SCRG1: variants seen among roughly 807,000 people sequenced by gnomAD.
SCRG1 encodes scrapie-responsive protein 1.
A neutral mutation model predicts 7.7 loss-of-function variants in SCRG1; 3 were observed. That is an observed-to-expected ratio of 0.39 (90% CI 0.18 to 1.01). The LOEUF is 1.01. SCRG1 is among the 50% of genes least tolerant of loss of function. The probability of loss-of-function intolerance (pLI) is 0.36; values close to 1 mark genes in which losing one functional copy is unlikely to be tolerated. For missense variants in SCRG1, 110 were observed against 117.2 expected, an observed-to-expected ratio of 0.94 and a Z score of 0.28; for synonymous variants, 46 against 41.2, an observed-to-expected ratio of 1.12 and a Z score of -0.44.
the SCRG1 span, among the ~76,000 whole-genome samples, chr4:173,470,562 G>A: frequency 1.3e-5 from 2 of 152,188 alleles, no homozygotes; most frequent in African/African-American, 4.8e-5. Context: ...ATTTTTAAAT[G>A]TACTTCATAA....
chr4:173,395,523 G>A (rs1366580056), intron 1 of SCRG1, among the ~76,000 whole-genome samples: 2 of 152,152 alleles, frequency 1.3e-5, no homozygotes, highest in African/African-American at 4.8e-5. Context: ...ATGTGTCTCT[G>A]CCTTGTTGTT....
chr4:173,463,489 G>A, the SCRG1 span, among the ~76,000 whole-genome samples: 5 of 152,076 alleles, frequency 3.3e-5, no homozygotes, highest in African/African-American at 9.7e-5. Context: ...GGCCAGGCCG[G>A]TCTCGAACTC....
the SCRG1 span, among the ~76,000 whole-genome samples, chr4:173,457,484 C>A: frequency 6.6e-6 from 1 of 152,118 alleles, no homozygotes; most frequent in Non-Finnish European, 1.5e-5. Flanking sequence ...AATTGAGTAA[C>A]CATCTTTATC....
chr4:173,518,241 A>G, the SCRG1 span, among the ~76,000 whole-genome samples: 1 of 151,790 alleles, frequency 6.6e-6, no homozygotes, highest in Non-Finnish European at 1.5e-5. Context: ...GGTGCGGCAC[A>G]CCTTCCTCTG....
chr4:173,464,187 A>C, the SCRG1 span, among the ~76,000 whole-genome samples: 6 of 152,188 alleles, frequency 3.9e-5, no homozygotes, highest in Non-Finnish European at 7.3e-5. Flanking sequence ...TAAATAATGA[A>C]ATAAAAATCA....
the SCRG1 span, among the ~76,000 whole-genome samples, chr4:173,475,290 G>A: frequency 6.6e-6 from 1 of 152,212 alleles, no homozygotes; most frequent in Non-Finnish European, 1.5e-5. Context: ...TGTTGTGTGG[G>A]ATTGGGGAGA....
At chr4:173,397,494 C>T (rs1055405095) in intron 1 of SCRG1, among the ~76,000 whole-genome samples, 3 of 152,050 alleles carry the variant, frequency 2.0e-5, no homozygotes, top group Admixed American at 6.6e-5. Flanking sequence ...AACATTGTTC[C>T]AAATGTTGTA....
chr4:173,405,260 GGTTAAACTTGGGTTATGT>G (rs949470841), intron 1 of SCRG1, among the ~76,000 whole-genome samples: 2 of 152,208 alleles, frequency 1.3e-5, no homozygotes, highest in South Asian at 2.1e-4. Flanking sequence ...TTGGTCTTAT[GGTTAAACTTGGGTTATGT>G]GTTTGTAGAA....
At chr4:173,465,704 A>G in the SCRG1 span, among the ~76,000 whole-genome samples, 2 of 151,814 alleles carry the variant, frequency 1.3e-5, no homozygotes, top group Non-Finnish European at 2.9e-5. Context: ...GATAAAATTT[A>G]CCATCTTTAC....
chr4:173,492,490 T>A, the SCRG1 span, among the ~76,000 whole-genome samples: 1 of 152,090 alleles, frequency 6.6e-6, no homozygotes, highest in East Asian at 1.9e-4. Flanking sequence ...ACCTCAGGCA[T>A]GAGGCACCCA....
At chr4:173,484,643 TAA>T in the SCRG1 span, among the ~76,000 whole-genome samples, 5 of 95,968 alleles carry the variant, frequency 5.2e-5, no homozygotes, top group Non-Finnish European at 9.0e-5. Context: ...TATATGCATA[TAA>T]TATATATTAT....
chr4:173,485,554 T>C, the SCRG1 span, among the ~76,000 whole-genome samples: 1 of 152,040 alleles, frequency 6.6e-6, no homozygotes, highest in Non-Finnish European at 1.5e-5. Flanking sequence ...ATGGTAGTTG[T>C]TTTAAGCCAT....
the SCRG1 span, among the ~76,000 whole-genome samples, chr4:173,477,998 C>T: frequency 4.6e-5 from 7 of 152,136 alleles, no homozygotes; most frequent in East Asian, 3.9e-4. Flanking sequence ...TTGAACTCCT[C>T]GCCTCAAGCA....
chr4:173,388,423 T>C (rs1739313192), intron 2 of SCRG1, 28 bp from the exon 3 acceptor site: 1 of 1,539,344 alleles, frequency 6.5e-7, no homozygotes, highest in South Asian at 1.1e-5. Context: ...ATCAATTAAA[T>C]TCACCTTAAG....
the SCRG1 span, among the ~76,000 whole-genome samples, chr4:173,423,992 C>T: frequency 6.6e-6 from 1 of 152,164 alleles, no homozygotes; most frequent in Non-Finnish European, 1.5e-5. Flanking sequence ...TTATAACTAA[C>T]CCACTCCCCC....
At chr4:173,496,331 A>C in the SCRG1 span, among the ~76,000 whole-genome samples, 1 of 152,122 alleles carries the variant, frequency 6.6e-6, no homozygotes, top group Admixed American at 6.5e-5. Context: ...TTTGAAAAAA[A>C]AAAGAGAGGG....
chr4:173,458,663 A>T, the SCRG1 span, among the ~76,000 whole-genome samples: 1 of 152,364 alleles, frequency 6.6e-6, no homozygotes, highest in South Asian at 2.1e-4. Context: ...TCACATCACG[A>T]TGATAAATAG....
chr4:173,395,965 G>A (rs1578964137), intron 1 of SCRG1, among the ~76,000 whole-genome samples: 1 of 152,338 alleles, frequency 6.6e-6, no homozygotes, highest in African/African-American at 2.4e-5. Flanking sequence ...TGACAGAACA[G>A]TAGCATGATC....
chr4:173,451,928 T>A, the SCRG1 span, among the ~76,000 whole-genome samples: 32 of 152,176 alleles, frequency 2.1e-4, no homozygotes, highest in Non-Finnish European at 2.2e-4. Context: ...CTGAGGTAGC[T>A]CTTGCAAGAA....
Sources: gnomAD v4.1 joint callset for allele counts (sites outside exome capture counted in the v4.1 genomes callset) on GRCh38, gnomAD v4.1.1 for gene constraint, MANE v1.5 for transcripts, NCBI Gene and HGNC (gene_info 2026-07-23, HGNC 2026-07-21) for gene names.